The following SMYD3 variants were observed in gnomAD, a reference collection of about 807,000 sequenced individuals.
SMYD3 encodes the protein histone-lysine N-methyltransferase SMYD3.
In SMYD3, 36 loss-of-function variants were observed where a neutral mutation model predicts 57.7. That is an observed-to-expected ratio of 0.62 (90% CI 0.48 to 0.82). The LOEUF is 0.82. Among genes scored for constraint, SMYD3 ranks in the 40% least tolerant of loss-of-function variants. The probability of loss-of-function intolerance (pLI) is 0.00; values close to 1 mark genes in which losing one functional copy is unlikely to be tolerated. For missense variants in SMYD3, 515 were observed against 538.8 expected (o/e 0.96, Z 0.44); for synonymous variants, 211 against 195.0 (o/e 1.08, Z -0.68).
intron 5 of SMYD3, among the ~76,000 whole-genome samples, chr1:246,281,113 C>T (rs1468745743): frequency 6.6e-6 from 1 of 152,172 alleles, no homozygotes; most frequent in Non-Finnish European, 1.5e-5. Context: ...CCTCCAGGTA[C>T]TTACAGGCAT....
chr1:245,855,928 T>C (rs1469443508), intron 10 of SMYD3, among the ~76,000 whole-genome samples: 1 of 152,222 alleles, frequency 6.6e-6, no homozygotes, highest in African/African-American at 2.4e-5. Context: ...CAGATGGCAA[T>C]GCAATCATCC....
intron 10 of SMYD3, among the ~76,000 whole-genome samples, chr1:245,804,538 A>G (rs2048045564): frequency 6.6e-6 from 1 of 152,204 alleles, no homozygotes; most frequent in Non-Finnish European, 1.5e-5. Context: ...AGCCTGGGTG[A>G]CAAAGCGAGA....
intron 1 of SMYD3, among the ~76,000 whole-genome samples, chr1:246,475,048 G>A (rs992098201): frequency 6.6e-6 from 1 of 152,120 alleles, no homozygotes; most frequent in Non-Finnish European, 1.5e-5. Flanking sequence ...CGGGCGCGGT[G>A]GCTCACATCT....
chr1:246,285,970 C>A (rs538543237), intron 5 of SMYD3, among the ~76,000 whole-genome samples: 1 of 151,914 alleles, frequency 6.6e-6, no homozygotes, highest in Admixed American at 6.6e-5. Context: ...ATGGCCATAA[C>A]CAAAAAAATT....
chr1:246,191,422 G>A (rs1196799933), intron 5 of SMYD3, among the ~76,000 whole-genome samples: 1 of 152,118 alleles, frequency 6.6e-6, no homozygotes, highest in Non-Finnish European at 1.5e-5. Context: ...AGTTATGTAA[G>A]GTTTTGTTTC....
At chr1:246,411,344 T>C (rs1000916699) in intron 1 of SMYD3, among the ~76,000 whole-genome samples, 11 of 152,186 alleles carry the variant, frequency 7.2e-5, no homozygotes, top group Non-Finnish European at 1.2e-4. Context: ...GGAGAGGATG[T>C]GGAGAAGTAG....
In SMYD3 at chr1:245,751,572, A is replaced by C. The variant is rs867898011; in HGVS notation, c.1186-1908T>G. On this transcript the variant is annotated intron_variant, in intron 11 of 11. Transcript: ENST00000490107. ...AGAGAGAGACAGAGAGACAGAGAGA[A>C]AGAGAAAGAGAGAGAGAGAGAAAGA... Among the ~76,000 whole-genome samples, 282 of 103,192 alleles carry C rather than the reference A, an allele frequency of 2.7e-3. 2 individuals are homozygous for C. Among genetic ancestry groups the C allele is most frequent in the Middle Eastern group, 0.015 (3 of 202 alleles). 67.7% of individuals were successfully genotyped at this position (103,192 alleles called of 152,430 possible). A position where few individuals can be genotyped will look rare whatever the true frequency, so the allele number is the denominator to read the frequency against.
chr1:245,799,993 G>A (rs2047776096), intron 10 of SMYD3, among the ~76,000 whole-genome samples: 1 of 152,236 alleles, frequency 6.6e-6, no homozygotes, highest in African/African-American at 2.4e-5. Context: ...GGTGGCATCT[G>A]CACTTAATAA....
intron 5 of SMYD3, among the ~76,000 whole-genome samples, chr1:246,207,019 T>G (rs1053229585): frequency 1.3e-5 from 2 of 152,150 alleles, no homozygotes; most frequent in Non-Finnish European, 2.9e-5. Flanking sequence ...AAACATTTCA[T>G]TAGTGGGCAT....
intron 5 of SMYD3, among the ~76,000 whole-genome samples, chr1:246,099,261 A>G (rs1253258102): frequency 6.6e-6 from 1 of 152,190 alleles, no homozygotes; most frequent in Non-Finnish European, 1.5e-5. Flanking sequence ...TCTCTAAGTT[A>G]TTAGTGAAGG....
At chr1:245,782,728 T>G (rs2046882924) in intron 10 of SMYD3, among the ~76,000 whole-genome samples, 1 of 152,194 alleles carries the variant, frequency 6.6e-6, no homozygotes, top group Non-Finnish European at 1.5e-5. Context: ...AAATACCTAT[T>G]AAGATATAAA....
At position 245,894,234 on chromosome 1, in the gene SMYD3, TTGTAAAATGGACCAATCAGCACCC is replaced by T. The variant is rs1403209810; in HGVS notation, c.813+21272_813+21295del. Among the ~76,000 whole-genome samples the T allele has an allele frequency of 4.6e-5, 7 of 151,702 alleles. 1 individual carries two copies. The highest frequency in any genetic ancestry group is 1.7e-4 in the African/African-American group (7 of 41,308). On this transcript the variant is annotated intron_variant, in intron 8 of 11. Coordinates refer to ENST00000490107, the MANE Select transcript of SMYD3 (RefSeq NM_001167740.2). ...CAGCGCTCTGTAGCTAGCTAGAGGT[TTGTAAAATGGACCAATCAGCACCC>T]TGTAAAATGGACCAATCAGCACCCT...
At chr1:246,224,116 G>A (rs1054422063) in intron 5 of SMYD3, among the ~76,000 whole-genome samples, 4 of 151,974 alleles carry the variant, frequency 2.6e-5, no homozygotes, top group African/African-American at 9.7e-5. Flanking sequence ...GAACAAGACT[G>A]GCAAAAGGAC....
At chr1:246,458,197 G>A (rs1300932024) in intron 1 of SMYD3, among the ~76,000 whole-genome samples, 1 of 152,096 alleles carries the variant, frequency 6.6e-6, no homozygotes, top group African/African-American at 2.4e-5. Context: ...TTAAAATAAT[G>A]ACTGAGCCCA....
intron 5 of SMYD3, among the ~76,000 whole-genome samples, chr1:246,132,477 T>C (rs2061603086): frequency 6.6e-6 from 1 of 152,096 alleles, no homozygotes; most frequent in Admixed American, 6.5e-5. Context: ...GATGCTTACG[T>C]TACACCATAT....
intron 10 of SMYD3, among the ~76,000 whole-genome samples, chr1:245,849,547 C>A (rs958930727): frequency 6.6e-6 from 1 of 152,114 alleles, no homozygotes; most frequent in Non-Finnish European, 1.5e-5. Flanking sequence ...GTACTTCTTA[C>A]CAGAACTTGG....
At chr1:245,876,599 T>G (rs1373886563) in intron 8 of SMYD3, among the ~76,000 whole-genome samples, 1 of 152,234 alleles carries the variant, frequency 6.6e-6, no homozygotes, top group Non-Finnish European at 1.5e-5. Flanking sequence ...AAATAGTTTA[T>G]TTACAATAGA....
chr1:246,240,379 G>T (rs867855265), intron 5 of SMYD3, among the ~76,000 whole-genome samples: 8 of 152,052 alleles, frequency 5.3e-5, no homozygotes, highest in East Asian at 1.9e-4. Context: ...TTTGTCAGGT[G>T]TGTCAAAGAT....
At chr1:245,920,881 G>A (rs914898588) in intron 7 of SMYD3, among the ~76,000 whole-genome samples, 5 of 152,050 alleles carry the variant, frequency 3.3e-5, no homozygotes, top group African/African-American at 7.2e-5. Context: ...GTCAGCTTTC[G>A]GAAAGAACAT....
Sources: gnomAD v4.1 joint callset for allele counts (sites outside exome capture counted in the v4.1 genomes callset) on GRCh38, gnomAD v4.1.1 for gene constraint, MANE v1.5 for transcripts, NCBI Gene and HGNC (gene_info 2026-07-23, HGNC 2026-07-21) for gene names.